Variants in LDAH observed in about 807,000 individuals in gnomAD.
LDAH encodes the protein lipid droplet-associated hydrolase.
In LDAH, 26 loss-of-function variants were observed where a neutral mutation model predicts 29.6. The ratio of observed to expected loss-of-function variants is 0.88; its 90% CI spans 0.64 to 1.22. The LOEUF (loss-of-function observed/expected upper bound fraction) is 1.22. LDAH is among the 50% of genes most tolerant of loss of function. The pLI, the probability that LDAH is intolerant of heterozygous loss-of-function variation, is 0.00. For synonymous variants in LDAH, 117 were observed against 133.0 expected, an observed-to-expected ratio of 0.88 and a Z score of 0.83; for missense variants, 344 against 387.3, an observed-to-expected ratio of 0.89 and a Z score of 0.94.
chr2:20,730,580 T>C (rs959355539), intron 5 of LDAH, among the ~76,000 whole-genome samples: 6 of 152,220 alleles, frequency 3.9e-5, no homozygotes, highest in Admixed American at 3.3e-4. Flanking sequence ...TGATCCTGAA[T>C]ATTTTATTCT....
intron 2 of LDAH, among the ~76,000 whole-genome samples, chr2:20,792,933 G>GAATA (rs924446283): frequency 2.6e-5 from 4 of 152,046 alleles, no homozygotes; most frequent in East Asian, 1.9e-4. Context: ...AAATGAGGAA[G>GAATA]AATAAATAAA....
At chr2:20,687,559 T>G (rs1351220292) in intron 6 of LDAH, among the ~76,000 whole-genome samples, 1 of 152,236 alleles carries the variant, frequency 6.6e-6, no homozygotes, top group African/African-American at 2.4e-5. Flanking sequence ...GACTCAGGCT[T>G]TCCAATGTAG....
At chr2:20,730,411 A>G (rs775141179) in intron 5 of LDAH, among the ~76,000 whole-genome samples, 36 of 152,052 alleles carry the variant, frequency 2.4e-4, no homozygotes, top group Admixed American at 3.9e-4. Flanking sequence ...TGGGTGCACC[A>G]TTTTACATTA....
chr2:20,766,158 A>T (rs1313915296), intron 4 of LDAH, among the ~76,000 whole-genome samples: 1 of 152,210 alleles, frequency 6.6e-6, no homozygotes, highest in Non-Finnish European at 1.5e-5. Flanking sequence ...ACAAAGTGAA[A>T]CAAAAGTTTC....
chr2:20,818,847 G>A (rs1051489298), intron 1 of LDAH, among the ~76,000 whole-genome samples: 3 of 152,248 alleles, frequency 2.0e-5, no homozygotes. Context: ...AAGTGGTAAT[G>A]AGTGTATGTT....
chr2:20,807,198 C>T (rs1672124104), intron 1 of LDAH, among the ~76,000 whole-genome samples: 1 of 151,706 alleles, frequency 6.6e-6, no homozygotes, highest in African/African-American at 2.4e-5. Context: ...ACAAAAAAAC[C>T]AAACCCAACA....
Position 20,686,693 on chromosome 2 carries a change from TGG to T in LDAH, c.*208_*209del. The T allele has an allele frequency of 2.2e-5, 10 of 447,810 alleles. No individual in the cohort carries two copies. The highest frequency in any genetic ancestry group is 3.2e-5 in the Non-Finnish European group (8 of 252,270). The allele number at this position is 447,810 out of a possible 1,614,324, so 27.7% of individuals were successfully genotyped here. On this transcript the variant is annotated 3_prime_UTR_variant, in exon 7 of 7. Transcript: ENST00000237822. ...GTAGATCACTGTGTTCCCTGAGTCT[TGG>T]AAAATGTATGGTTAAACCTATGGAA...
At chr2:20,820,399 A>G (rs1249210403) in intron 1 of LDAH, among the ~76,000 whole-genome samples, 1 of 152,112 alleles carries the variant, frequency 6.6e-6, no homozygotes, top group Non-Finnish European at 1.5e-5. Context: ...ACAGCATGGT[A>G]CTGGTACCAA....
At position 20,707,151 on chromosome 2, in the gene LDAH, C is replaced by T. The variant is rs138014325; in HGVS notation, c.704-5499G>A. 2.9e-3 allele frequency among the ~76,000 whole-genome samples: 443 copies of T among 152,308 alleles called. 3 individuals are homozygous for T. Among genetic ancestry groups the T allele is most frequent in the African/African-American group, 0.01 (417 of 41,560 alleles). On this transcript the variant is annotated intron_variant, in intron 5 of 6. Coordinates refer to ENST00000237822, the MANE Select transcript of LDAH (RefSeq NM_021925.4). ...CAAATACTCTAAATCACTCTAAATC[C>T]TGCTGGGAATTATTTCAGGGCTGGA...
In LDAH at chr2:20,790,260, G is replaced by C; in HGVS notation, c.293C>G (p.Ser98Ter). Residue 98 changes from serine to a stop codon, truncating the protein, a stop_gained, in exon 3 of 7, where the codon TCA becomes TGA. Coordinates refer to ENST00000237822, the MANE Select transcript of LDAH (RefSeq NM_021925.4). LOFTEE classifies it high-confidence loss of function. ...AGATATTAACAAGGACATACCCTCT[G>C]ATGTTGTAAGAATCTTCTTGTCTTT... ...APKDKKILTTSEDSNAQEIKD... is the reference protein window; with the variant it reads ...APKDKKILTT The C allele has an allele frequency of 6.2e-7, 1 of 1,614,076 alleles. No individual in the cohort carries two copies. Among genetic ancestry groups the C allele is most frequent in the Non-Finnish European group, 8.5e-7 (1 of 1,179,976 alleles).
intron 4 of LDAH, among the ~76,000 whole-genome samples, chr2:20,763,448 C>T (rs367902395): frequency 3.3e-5 from 5 of 152,212 alleles, no homozygotes; most frequent in African/African-American, 1.2e-4. Context: ...AGCCCCACCC[C>T]TTGGGGTGAA....
At chr2:20,700,992 G>C (rs1230470629) in intron 6 of LDAH, among the ~76,000 whole-genome samples, 1 of 152,164 alleles carries the variant, frequency 6.6e-6, no homozygotes, top group Non-Finnish European at 1.5e-5. Context: ...GAGTACCACA[G>C]TCATCCAAAT....
intron 4 of LDAH, among the ~76,000 whole-genome samples, chr2:20,763,185 C>T (rs986578556): frequency 6.6e-6 from 1 of 152,208 alleles, no homozygotes; most frequent in Non-Finnish European, 1.5e-5. Flanking sequence ...TTATGGACAA[C>T]GTCATAGGTG....
intron 6 of LDAH, among the ~76,000 whole-genome samples, chr2:20,695,043 G>A (rs1024815536): frequency 1.3e-5 from 2 of 152,238 alleles, no homozygotes; most frequent in African/African-American, 2.4e-5. Flanking sequence ...CCCCAAGAAG[G>A]GGGCAAATGT....
chr2:20,693,476 C>T (rs1037616723), intron 6 of LDAH, among the ~76,000 whole-genome samples: 7 of 152,110 alleles, frequency 4.6e-5, no homozygotes, highest in Non-Finnish European at 7.3e-5. Flanking sequence ...ATGTCATATT[C>T]CCCAGACATG....
chr2:20,701,873 G>C (rs1274997887), intron 5 of LDAH, among the ~76,000 whole-genome samples: 1 of 152,076 alleles, frequency 6.6e-6, no homozygotes, highest in Non-Finnish European at 1.5e-5. Flanking sequence ...ACCTCATCTG[G>C]CTTCTCCATA....
At chr2:20,794,980 C>T (rs1473457016) in intron 2 of LDAH, among the ~76,000 whole-genome samples, 1 of 152,060 alleles carries the variant, frequency 6.6e-6, no homozygotes, top group East Asian at 1.9e-4. Flanking sequence ...TGTTAAGAAA[C>T]CACAAAGAAA....
chr2:20,817,458 C>T (rs139744593), intron 1 of LDAH, among the ~76,000 whole-genome samples: 75 of 152,174 alleles, frequency 4.9e-4, no homozygotes, highest in African/African-American at 1.8e-3. Context: ...ATACCTTAAC[C>T]TCTCACACCT....
At chr2:20,710,656 T>TAC (rs1165720307) in intron 5 of LDAH, among the ~76,000 whole-genome samples, 1 of 127,976 alleles carries the variant, frequency 7.8e-6, no homozygotes, top group Non-Finnish European at 1.7e-5. Flanking sequence ...TACATATATA[T>TAC]ACACATATAT....
Sources: allele counts gnomAD v4.1 joint callset (sites outside exome capture counted in the v4.1 genomes callset), GRCh38; gene constraint gnomAD v4.1.1; transcripts MANE v1.5; gene names NCBI Gene and HGNC (gene_info 2026-07-23, HGNC 2026-07-21).